Variants in CLCN5 observed in about 807,000 individuals in gnomAD.
CLCN5 encodes H(+)/Cl(-) exchange transporter 5.
In CLCN5, 17 loss-of-function variants were observed where a neutral mutation model predicts 54.0. That is an observed-to-expected ratio of 0.31 (90% CI 0.22 to 0.47). The LOEUF is 0.47. Ranked by LOEUF, CLCN5 falls within the 20% of genes least tolerant of loss-of-function variation. The pLI, the probability that CLCN5 is intolerant of heterozygous loss-of-function variation, is 1.00. For synonymous variants in CLCN5, 222 were observed against 233.0 expected (o/e 0.95, Z 0.43); for missense variants, 448 against 646.7 (o/e 0.69, Z 3.33).
At position 50,096,683 on chromosome X, in the gene CLCN5, A is replaced by G. The variant is rs1439004918; in HGVS notation, c.*4464A>G. On this transcript the variant is annotated 3_prime_UTR_variant, in exon 15 of 15. Coordinates refer to ENST00000376091, the MANE Select transcript of CLCN5 (RefSeq NM_001127898.4). ...CCCTTTGGAGAAGAAACTAAAAGTT[A>G]TGGCCATAGAAAAAGCCCTGGTAAG... is the stretch of plus-strand genomic sequence containing the variant. The G allele has an allele frequency of 1.8e-5, 2 of 112,883 alleles. No individual in the cohort carries two copies. Among genetic ancestry groups the G allele is most frequent in the Non-Finnish European group, 3.8e-5 (2 of 53,206 alleles). The allele number at this position is 112,883 out of a possible 1,213,427, so 9.3% of individuals were successfully genotyped here. A position where few individuals can be genotyped will look rare whatever the true frequency, so the allele number is the denominator to read the frequency against.
At chrX:50,039,489 A>C (rs910378323) in intron 3 of CLCN5, among the ~76,000 whole-genome samples, 4 of 111,580 alleles carry the variant, frequency 3.6e-5, no homozygotes, top group Admixed American at 9.5e-5. Context: ...AAATGTTTAA[A>C]TATTACCCAA....
intron 4 of CLCN5, among the ~76,000 whole-genome samples, chrX:50,048,085 A>G (rs994429051): frequency 1.8e-5 from 2 of 112,451 alleles, no homozygotes; most frequent in African/African-American, 3.2e-5. Context: ...TTCATCTTCA[A>G]CGAAACCGGC....
intron 11 of CLCN5, chrX:50,088,464 C>G (rs1341390115): frequency 2.4e-6 from 1 of 413,214 alleles, no homozygotes; most frequent in African/African-American, 2.5e-5. Context: ...CAGGCTCTTG[C>G]CTGATGGACC....
At chrX:49,974,637 C>A (rs1254779849) in intron 3 of CLCN5, among the ~76,000 whole-genome samples, 1 of 111,727 alleles carries the variant, frequency 9.0e-6, no homozygotes, top group Non-Finnish European at 1.9e-5. Context: ...TGAGATAAGC[C>A]CATCTCTATC....
intron 14 of CLCN5, 123 bp from the exon 15 acceptor site, chrX:50,092,006 G>A: frequency 1.9e-6 from 1 of 524,782 alleles, no homozygotes. Flanking sequence ...ATCTCATACT[G>A]AAAGGGCAGC....
At chrX:49,939,316 C>T (rs1472396999) in intron 3 of CLCN5, among the ~76,000 whole-genome samples, 1 of 110,351 alleles carries the variant, frequency 9.1e-6, no homozygotes, top group Non-Finnish European at 1.9e-5. Flanking sequence ...ATAAATCATG[C>T]TGCTATAAAG....
At chrX:49,961,468 CAAGT>C (rs1557174673) in intron 3 of CLCN5, among the ~76,000 whole-genome samples, 1 of 112,161 alleles carries the variant, frequency 8.9e-6, no homozygotes, top group Non-Finnish European at 1.9e-5. Context: ...GATCACATGA[CAAGT>C]AAGAGGCAAC....
chrX:50,089,013 A>G, intron 12 of CLCN5, 129 bp downstream of exon 12: 1 of 596,657 alleles, frequency 1.7e-6, no homozygotes, highest in Non-Finnish European at 2.8e-6. Context: ...CCATTTTCCA[A>G]GCACATTAAG....
intron 3 of CLCN5, among the ~76,000 whole-genome samples, chrX:50,037,835 G>A (rs997422408): frequency 8.9e-6 from 1 of 111,772 alleles, no homozygotes; most frequent in Non-Finnish European, 1.9e-5. Context: ...CATACATGTT[G>A]TCAATATATA....
At chrX:49,947,835 G>C (rs1557172433) in intron 3 of CLCN5, among the ~76,000 whole-genome samples, 1 of 111,084 alleles carries the variant, frequency 9.0e-6, no homozygotes, top group East Asian at 2.8e-4. Context: ...AATTTCCTCA[G>C]AGATTGAGGG....
intron 4 of CLCN5, among the ~76,000 whole-genome samples, chrX:50,065,018 GA>G (rs1173943166): frequency 9.1e-6 from 1 of 110,484 alleles, no homozygotes; most frequent in African/African-American, 3.3e-5. Context: ...ATTCAAGATG[GA>G]TTAAAGATTT....
rs147798092 is a variant in CLCN5 at position 50,081,840 on chromosome X, G to A, written c.926G>A (p.Arg309His). Reference protein sequence around the residue: ...FNKYRKNEAKRREVLSAAAAA... With the variant: ...FNKYRKNEAKHREVLSAAAAA... ...AAATACAGGAAGAATGAAGCCAAGC[G>A]CAGAGAGGTAATAATGAATGGCCTT... Residue 309 changes from arginine (R) to histidine (H), a missense_variant, in exon 9 of 15, where the codon CGC becomes CAC. By Grantham distance (29) the Arg-to-His change is conservative. This residue lies in a region of CLCN5 where 297 missense variants were observed against 470.4 expected (regional missense o/e 0.63). Transcript: ENST00000376091. The A allele has an allele frequency of 1.4e-4, 166 of 1,204,137 alleles. 1 individual carries two copies. The highest frequency in any genetic ancestry group is 1.8e-4 in the Non-Finnish European group (156 of 890,826).
At chrX:50,059,944 G>A (rs1557189591) in intron 4 of CLCN5, among the ~76,000 whole-genome samples, 2 of 104,642 alleles carry the variant, frequency 1.9e-5, no homozygotes, top group African/African-American at 3.5e-5. Context: ...AGCTGCTAAA[G>A]TGTGAAATAA....
intron 4 of CLCN5, among the ~76,000 whole-genome samples, chrX:50,049,294 A>G (rs782574228): frequency 1.4e-4 from 16 of 112,131 alleles, no homozygotes; most frequent in African/African-American, 4.9e-4. Context: ...CAGTAGAATA[A>G]CATGCTGTAC....
intron 4 of CLCN5, among the ~76,000 whole-genome samples, chrX:50,063,429 G>A (rs1487858744): frequency 1.8e-5 from 2 of 108,134 alleles, no homozygotes; most frequent in Non-Finnish European, 3.8e-5. Context: ...TGCATTCCTC[G>A]ACACATACAC....
chrX:49,990,834 T>TC (rs1557178860), intron 3 of CLCN5, among the ~76,000 whole-genome samples: 1,384 of 112,492 alleles, frequency 0.012, 16 homozygotes, highest in African/African-American at 0.042. Flanking sequence ...GTAACTTTAC[T>TC]TAGAATAATG....
intron 12 of CLCN5, 96 bp downstream of exon 12, chrX:50,088,980 C>T: frequency 1.2e-6 from 1 of 802,080 alleles, no homozygotes; most frequent in Non-Finnish European, 1.9e-6. Flanking sequence ...ATTTAAATGC[C>T]CATCCCTTTC....
chrX:49,947,496 G>C (rs907830901), intron 3 of CLCN5, among the ~76,000 whole-genome samples: 3 of 110,641 alleles, frequency 2.7e-5, no homozygotes, highest in African/African-American at 9.9e-5. Flanking sequence ...AGAGGGAAAA[G>C]GTGCCAAGGG....
intron 3 of CLCN5, among the ~76,000 whole-genome samples, chrX:49,957,207 T>G (rs1601976799): frequency 9.0e-6 from 1 of 110,908 alleles, no homozygotes; most frequent in Non-Finnish European, 1.9e-5. Flanking sequence ...GGCTGAGGTA[T>G]GAGAATTGCT....
Sources: allele counts gnomAD v4.1 joint callset (sites outside exome capture counted in the v4.1 genomes callset), GRCh38; gene constraint gnomAD v4.1.1; regional missense constraint gnomAD v4.1.1; transcripts MANE v1.5; gene names NCBI Gene and HGNC (gene_info 2026-07-23, HGNC 2026-07-21).